Variants in EXOC6B observed in about 807,000 individuals in gnomAD.
EXOC6B encodes the protein SEC15 homolog B.
In EXOC6B, 54 loss-of-function variants were observed where a neutral mutation model predicts 113.5. The observed-to-expected ratio is 0.48, with a 90% CI of 0.38 to 0.60. The LOEUF is 0.60. Among genes scored for constraint, EXOC6B ranks in the 20% least tolerant of loss-of-function variants. EXOC6B has a pLI of 0.00. For synonymous variants in EXOC6B, 357 were observed against 339.0 expected (o/e 1.05, Z -0.58); for missense variants, 797 against 977.5 (o/e 0.82, Z 2.46).
In EXOC6B at chr2:72,240,558, G is replaced by A. The variant is rs149021513; in HGVS notation, c.2197-56371C>T. Among the ~76,000 whole-genome samples, 241 of 152,230 alleles carry A rather than the reference G, an allele frequency of 1.6e-3. 1 individual carries two copies. Among genetic ancestry groups the A allele is most frequent in the African/African-American group, 4.9e-3 (202 of 41,550 alleles). On this transcript the variant is annotated intron_variant, in intron 20 of 21. Coordinates refer to ENST00000272427, the MANE Select transcript of EXOC6B (RefSeq NM_015189.3). The stretch of plus-strand genomic sequence containing the variant: ...TTTACTCTGAAGTTCTCTTGAGCCC[G>A]GATGTTAGCGAAAAATTAAAAGGAT...
intron 20 of EXOC6B, among the ~76,000 whole-genome samples, chr2:72,291,917 A>G (rs961198565): frequency 6.6e-6 from 1 of 152,212 alleles, no homozygotes; most frequent in African/African-American, 2.4e-5. Context: ...TGGTTAATCT[A>G]TTGCCAGGAT....
intron 20 of EXOC6B, among the ~76,000 whole-genome samples, chr2:72,320,205 A>T (rs141778855): frequency 6.7e-6 from 1 of 148,902 alleles, no homozygotes; most frequent in Non-Finnish European, 1.5e-5. Context: ...TTACATATAT[A>T]TTTTTATATA....
chr2:72,744,823 C>A (rs947162355), intron 1 of EXOC6B, among the ~76,000 whole-genome samples: 3 of 151,974 alleles, frequency 2.0e-5, no homozygotes, highest in Admixed American at 6.6e-5. Context: ...AAATGCAGAA[C>A]TTATATTAAT....
At chr2:72,474,504 G>A (rs924049497) in intron 17 of EXOC6B, among the ~76,000 whole-genome samples, 7 of 151,490 alleles carry the variant, frequency 4.6e-5, no homozygotes, top group Admixed American at 4.6e-4. Flanking sequence ...TTATCTTCTA[G>A]ATCTGAAATT....
At chr2:72,576,529 T>C (rs1704869744) in intron 6 of EXOC6B, among the ~76,000 whole-genome samples, 1 of 152,006 alleles carries the variant, frequency 6.6e-6, no homozygotes, top group African/African-American at 2.4e-5. Context: ...ACAAGGCAAG[T>C]GAGTGGTAAA....
chr2:72,815,416 A>T (rs1378637566), intron 1 of EXOC6B, among the ~76,000 whole-genome samples: 1 of 151,754 alleles, frequency 6.6e-6, no homozygotes, highest in Non-Finnish European at 1.5e-5. Context: ...GCTTCAGCCC[A>T]GGAGACGGAG....
chr2:72,470,515 G>A (rs584865), intron 17 of EXOC6B, among the ~76,000 whole-genome samples: 1,745 of 151,926 alleles, frequency 0.011, 27 homozygotes, highest in African/African-American at 0.019. Flanking sequence ...ATTGCACAAC[G>A]CGCAGGTTTG....
chr2:72,728,870 G>A (rs1680469533), intron 5 of EXOC6B, among the ~76,000 whole-genome samples: 2 of 152,114 alleles, frequency 1.3e-5, no homozygotes, highest in African/African-American at 4.8e-5. Flanking sequence ...AACTGGCAGG[G>A]GAAATGTGAA....
chr2:72,579,675 T>G (rs1275071990), intron 6 of EXOC6B, among the ~76,000 whole-genome samples: 1 of 152,196 alleles, frequency 6.6e-6, no homozygotes, highest in Non-Finnish European at 1.5e-5. Context: ...TATTGTGGAA[T>G]GCAGCTTCCA....
chr2:72,488,573 C>T (rs1699556542), intron 16 of EXOC6B, among the ~76,000 whole-genome samples: 1 of 152,112 alleles, frequency 6.6e-6, no homozygotes, highest in African/African-American at 2.4e-5. Flanking sequence ...TAAAATTTTT[C>T]CTATCTTAGT....
chr2:72,604,232 G>A (rs1330288645), intron 6 of EXOC6B, among the ~76,000 whole-genome samples: 1 of 151,988 alleles, frequency 6.6e-6, no homozygotes, highest in African/African-American at 2.4e-5. Context: ...TACATGCCTA[G>A]AGACTTCCCC....
intron 6 of EXOC6B, among the ~76,000 whole-genome samples, chr2:72,713,208 A>C (rs550337536): frequency 6.6e-6 from 1 of 152,176 alleles, no homozygotes; most frequent in Admixed American, 6.5e-5. Flanking sequence ...CACTGCAGCA[A>C]CTCAGGACAC....
At chr2:72,672,515 C>A (rs1303862074) in intron 6 of EXOC6B, among the ~76,000 whole-genome samples, 1 of 145,152 alleles carries the variant, frequency 6.9e-6, no homozygotes, top group African/African-American at 2.6e-5. Flanking sequence ...CCACTGCACT[C>A]CAGCCTGGGG....
chr2:72,624,334 AG>A (rs1671922946), intron 6 of EXOC6B, among the ~76,000 whole-genome samples: 1 of 152,186 alleles, frequency 6.6e-6, no homozygotes, highest in African/African-American at 2.4e-5. Context: ...CCTGGCATCA[AG>A]GTATCCTCCT....
chr2:72,714,900 G>T (rs1372670048), intron 6 of EXOC6B, among the ~76,000 whole-genome samples: 1 of 152,166 alleles, frequency 6.6e-6, no homozygotes, highest in Non-Finnish European at 1.5e-5. Flanking sequence ...CTATTGGAAA[G>T]AAAAAGATGA....
At chr2:72,646,171 G>A (rs1247753309) in intron 6 of EXOC6B, among the ~76,000 whole-genome samples, 5 of 152,050 alleles carry the variant, frequency 3.3e-5, no homozygotes, top group East Asian at 1.9e-4. Context: ...ACACCTCTAC[G>A]CAGATAAACT....
chr2:72,461,633 T>C (rs1697685339), intron 18 of EXOC6B: 2 of 152,028 alleles, frequency 1.3e-5, no homozygotes, highest in African/African-American at 4.8e-5. Flanking sequence ...ACAAAATACA[T>C]TGTATTAAAT....
intron 6 of EXOC6B, among the ~76,000 whole-genome samples, chr2:72,663,873 T>C (rs1298499043): frequency 6.6e-6 from 1 of 152,196 alleles, no homozygotes; most frequent in Non-Finnish European, 1.5e-5. Flanking sequence ...TGCATCAATA[T>C]TGGCTCATCA....
At chr2:72,405,992 A>G (rs1693727925) in intron 18 of EXOC6B, among the ~76,000 whole-genome samples, 1 of 152,226 alleles carries the variant, frequency 6.6e-6, no homozygotes, top group South Asian at 2.1e-4. Context: ...GGCTCAAAAT[A>G]AAGGGATGGA....
Sources: allele counts gnomAD v4.1 joint callset (sites outside exome capture counted in the v4.1 genomes callset), GRCh38; gene constraint gnomAD v4.1.1; transcripts MANE v1.5; gene names NCBI Gene and HGNC (gene_info 2026-07-23, HGNC 2026-07-21).